REC114: variants seen among roughly 807,000 people sequenced by gnomAD.
The protein encoded by REC114 is meiotic recombination protein REC114.
REC114 carries 27 observed loss-of-function variants against 31.3 expected under a neutral mutation model. The ratio of observed to expected loss-of-function variants is 0.86; its 90% CI spans 0.64 to 1.19. The LOEUF is 1.19. REC114 is among the 50% of genes most tolerant of loss of function. The pLI is 0.00. For synonymous variants in REC114, 134 were observed against 127.7 expected, an observed-to-expected ratio of 1.05 and a Z score of -0.33; for missense variants, 344 against 326.9, an observed-to-expected ratio of 1.05 and a Z score of -0.40.
chr15:73,462,884 C>CAAAA (rs769569268), intron 1 of REC114, among the ~76,000 whole-genome samples: 596 of 55,622 alleles, frequency 0.011, 30 homozygotes, highest in African/African-American at 0.039. Flanking sequence ...GACTCCGTCT[C>CAAAA]AAAAAAAAAA....
intron 1 of REC114, among the ~76,000 whole-genome samples, chr15:73,460,357 C>G (rs61141091): frequency 6.6e-6 from 1 of 152,112 alleles, no homozygotes; most frequent in Admixed American, 6.6e-5. Flanking sequence ...TCTTTATCCA[C>G]TATGTGCCAG....
At chr15:73,468,886 C>T (rs746905662) in intron 1 of REC114, among the ~76,000 whole-genome samples, 18 of 151,372 alleles carry the variant, frequency 1.2e-4, no homozygotes, top group Non-Finnish European at 2.4e-4. Flanking sequence ...TTCTGATTTC[C>T]CTTTTAATTT....
In REC114 at chr15:73,449,585, C is replaced by T. The variant is rs553680726; in HGVS notation, c.159+6241C>T. Among the ~76,000 whole-genome samples, 17 of 152,234 alleles carry T rather than the reference C, an allele frequency of 1.1e-4. No individual in the cohort carries two copies. In the East Asian group the frequency reaches 3.1e-3, roughly 28 times the overall value. ...GGAAAACACTCTTCAGGATATTATC[C>T]AGGAGAACTTCCCCAATCTAGCAAG... On this transcript the variant is annotated intron_variant, in intron 1 of 5. Coordinates refer to ENST00000331090, the MANE Select transcript of REC114 (RefSeq NM_001042367.2).
At chr15:73,488,977 A>C (rs1346547990) in intron 2 of REC114, among the ~76,000 whole-genome samples, 2 of 152,172 alleles carry the variant, frequency 1.3e-5, no homozygotes, top group African/African-American at 4.8e-5. Flanking sequence ...ACAAAATGTC[A>C]CAGACTGGGT....
chr15:73,451,438 T>C (rs562109665), intron 1 of REC114, among the ~76,000 whole-genome samples: 3 of 152,274 alleles, frequency 2.0e-5, no homozygotes, highest in African/African-American at 7.2e-5. Flanking sequence ...CAGGAAGAAG[T>C]TGAATCCCTG....
chr15:73,470,630 A>G (rs951360365), intron 1 of REC114, among the ~76,000 whole-genome samples: 3 of 152,184 alleles, frequency 2.0e-5, no homozygotes, highest in Admixed American at 6.5e-5. Flanking sequence ...AAAAATCTCT[A>G]TCTTCATGGA....
chr15:73,514,584 C>T (rs577319723), intron 2 of REC114, among the ~76,000 whole-genome samples: 5 of 152,010 alleles, frequency 3.3e-5, no homozygotes, highest in African/African-American at 9.7e-5. Context: ...CAATGTTATT[C>T]CTAATAGGGA....
At chr15:73,462,609 G>C (rs1399667348) in intron 1 of REC114, among the ~76,000 whole-genome samples, 1 of 152,156 alleles carries the variant, frequency 6.6e-6, no homozygotes, top group African/African-American at 2.4e-5. Context: ...ACTCGGGCCA[G>C]GTGCGGTGGC....
Position 73,527,889 on chromosome 15 carries a change from GA to G in REC114, c.250-12589del, listed in dbSNP as rs1002137910. 1.3e-3 allele frequency among the ~76,000 whole-genome samples: 190 copies of G among 151,930 alleles called. 1 individual carries two copies. The highest frequency in any genetic ancestry group is 3.7e-3 in the African/African-American group (152 of 41,474). ...GTGATGTCGTTATCTATACGGGGGG[GA>G]AAAAAAGGCATTTCAGCTTCTGATA... On this transcript the variant is annotated intron_variant, in intron 2 of 5. Transcript: ENST00000331090.
intron 2 of REC114, among the ~76,000 whole-genome samples, chr15:73,533,143 ACC>A: frequency 1.3e-5 from 1 of 76,162 alleles, no homozygotes; most frequent in African/African-American, 4.6e-5. Flanking sequence ...GAGCAAAATA[ACC>A]AGCTAACATC....
At chr15:73,549,029 G>A (rs1595883008) in intron 3 of REC114, among the ~76,000 whole-genome samples, 1 of 152,124 alleles carries the variant, frequency 6.6e-6, no homozygotes, top group African/African-American at 2.4e-5. Flanking sequence ...GCCTTTTGGA[G>A]GTAGAGGAAG....
chr15:73,443,410 T>A, intron 1 of REC114, 66 bp downstream of exon 1: 1 of 1,482,404 alleles, frequency 6.7e-7, no homozygotes, highest in East Asian at 2.5e-5. Context: ...GCTCCGCGAA[T>A]ACACTGGGCC....
chr15:73,460,875 G>T (rs1297735475), intron 1 of REC114, among the ~76,000 whole-genome samples: 1 of 152,092 alleles, frequency 6.6e-6, no homozygotes, highest in Non-Finnish European at 1.5e-5. Context: ...TATGGCTACT[G>T]ATAATTCTTC....
rs145624623 is a variant in REC114 at position 73,507,463 on chromosome 15, G to A, written c.250-33022G>A. 1.1e-4 allele frequency among the ~76,000 whole-genome samples: 16 copies of A among 152,142 alleles called. No individual in the cohort carries two copies. The East Asian group carries it at 3.1e-3, about 29-fold the overall frequency. On this transcript the variant is annotated intron_variant, in intron 2 of 5. Transcript: ENST00000331090. ...GGTGGCCCAGGGAAGCCAAAAGATTGGATACCCCTGATCTGGAGGCTTTAT... is the reference window on the plus strand; with the variant it reads ...GGTGGCCCAGGGAAGCCAAAAGATTAGATACCCCTGATCTGGAGGCTTTAT...
At chr15:73,488,209 G>T (rs190649801) in intron 2 of REC114, among the ~76,000 whole-genome samples, 1 of 152,158 alleles carries the variant, frequency 6.6e-6, no homozygotes, top group Non-Finnish European at 1.5e-5. Flanking sequence ...CCTATGATGG[G>T]TGTGGTAGCC....
At chr15:73,514,552 A>G (rs527336751) in intron 2 of REC114, among the ~76,000 whole-genome samples, 27 of 152,228 alleles carry the variant, frequency 1.8e-4, no homozygotes, top group Admixed American at 4.6e-4. Flanking sequence ...AAAAAAAAGT[A>G]TACATTTAAA....
intron 2 of REC114, among the ~76,000 whole-genome samples, chr15:73,499,506 T>C (rs1012839582): frequency 1.3e-5 from 2 of 152,148 alleles, no homozygotes; most frequent in Admixed American, 1.3e-4. Flanking sequence ...CCTACATCTT[T>C]ATTACCGTTA....
chr15:73,497,480 T>C (rs1051427743), intron 2 of REC114, among the ~76,000 whole-genome samples: 2 of 152,218 alleles, frequency 1.3e-5, no homozygotes, highest in African/African-American at 4.8e-5. Flanking sequence ...CACTTTTCTT[T>C]AGTCTTTTAG....
chr15:73,506,157 TAAA>T, intron 2 of REC114, among the ~76,000 whole-genome samples: 1 of 152,262 alleles, frequency 6.6e-6, no homozygotes, highest in African/African-American at 2.4e-5. Context: ...AATGAAAGGT[TAAA>T]AAAAGCTTTG....
Sources: allele counts gnomAD v4.1 joint callset (sites outside exome capture counted in the v4.1 genomes callset), GRCh38; gene constraint gnomAD v4.1.1; transcripts MANE v1.5; gene names NCBI Gene and HGNC (gene_info 2026-07-23, HGNC 2026-07-21).